LHFPL7: variants seen among roughly 807,000 people sequenced by gnomAD.
LHFPL7 encodes the protein LHFPL tetraspan subfamily member 7, also known as LHFPL tetraspan subfamily member 7 protein.
At chr22:24,941,134 G>A in the LHFPL7 span, among the ~76,000 whole-genome samples, 2 of 150,722 alleles carry the variant, frequency 1.3e-5, no homozygotes, top group African/African-American at 4.9e-5. Context: ...GTGTGGTGCT[G>A]TATGCGTGCA....
At chr22:24,935,431 T>C in the LHFPL7 span, 6 of 1,614,044 alleles carry the variant, frequency 3.7e-6, no homozygotes, top group Non-Finnish European at 5.1e-6. Flanking sequence ...CAGCTGATGA[T>C]GGGCAGGAGG....
the LHFPL7 span, among the ~76,000 whole-genome samples, chr22:24,937,136 G>A: frequency 7.2e-5 from 11 of 152,194 alleles, no homozygotes; most frequent in Non-Finnish European, 1.5e-4. Context: ...AGATATTTCA[G>A]GTAAGTATGT....
the LHFPL7 span, chr22:24,935,369 G>T: frequency 6.2e-7 from 1 of 1,613,764 alleles, no homozygotes; most frequent in Non-Finnish European, 8.5e-7. Flanking sequence ...TGATTCTCTC[G>T]GTGGCACTGG....
the LHFPL7 span, among the ~76,000 whole-genome samples, chr22:24,945,614 C>T: frequency 2.6e-5 from 4 of 152,122 alleles, no homozygotes; most frequent in Admixed American, 6.5e-5. Context: ...TGTGAGGTTG[C>T]GTAAGCAAAG....
the LHFPL7 span, chr22:24,939,671 C>A: frequency 1.6e-6 from 1 of 636,878 alleles, no homozygotes; most frequent in Non-Finnish European, 2.8e-6. Flanking sequence ...GATCATCAGC[C>A]CCCCTTGAGC....
the LHFPL7 span, among the ~76,000 whole-genome samples, chr22:24,940,797 C>A: frequency 2.2e-5 from 3 of 136,160 alleles, no homozygotes; most frequent in Admixed American, 1.6e-4. Context: ...CTCTTTCTTT[C>A]TTTCAGAGAA....
the LHFPL7 span, chr22:24,938,402 A>G: frequency 3.8e-6 from 6 of 1,567,830 alleles, no homozygotes; most frequent in Non-Finnish European, 5.2e-6. Context: ...GTTGGCTGGG[A>G]CAGGGGCAGG....
the LHFPL7 span, chr22:24,935,329 AT>A: frequency 1.2e-6 from 2 of 1,609,870 alleles, no homozygotes; most frequent in South Asian, 2.2e-5. Context: ...CTCCCAGGAG[AT>A]TTTTATTTGT....
At chr22:24,940,488 T>C in the LHFPL7 span, among the ~76,000 whole-genome samples, 177 of 150,172 alleles carry the variant, frequency 1.2e-3, no homozygotes, top group African/African-American at 3.7e-3. Context: ...CCCAGCTACT[T>C]GGGAGGCTGA....
At chr22:24,939,422 G>C in the LHFPL7 span, 23 of 702,986 alleles carry the variant, frequency 3.3e-5, no homozygotes, top group Middle Eastern at 2.3e-4. Context: ...AGGAGCAGTA[G>C]GTGAGGATGC....
At chr22:24,935,407 T>C in the LHFPL7 span, 14 of 1,613,978 alleles carry the variant, frequency 8.7e-6, no homozygotes, top group Middle Eastern at 1.6e-4. Flanking sequence ...CCTTGGACCT[T>C]GGTTGTGTGG....
At chr22:24,938,902 G>A in the LHFPL7 span, among the ~76,000 whole-genome samples, 76,534 of 152,006 alleles carry the variant, frequency 0.5, 19,839 homozygotes, top group East Asian at 0.74. Flanking sequence ...TCAGAGACAC[G>A]TTGGGGGCCA....
chr22:24,935,368 CGGT>C, the LHFPL7 span: 2 of 1,613,734 alleles, frequency 1.2e-6, no homozygotes, highest in South Asian at 2.2e-5. Context: ...ATGATTCTCT[CGGT>C]GGCACTGGAG....
At chr22:24,939,379 C>T in the LHFPL7 span, 4 of 702,974 alleles carry the variant, frequency 5.7e-6, no homozygotes, top group Non-Finnish European at 1.0e-5. Context: ...CTGAAGGTCA[C>T]GCAGCTCTGG....
At chr22:24,941,734 G>A in the LHFPL7 span, among the ~76,000 whole-genome samples, 1 of 151,260 alleles carries the variant, frequency 6.6e-6, no homozygotes, top group Non-Finnish European at 1.5e-5. Flanking sequence ...ACAGTGGCGC[G>A]ATCTCAGCTC....
At chr22:24,945,005 T>A in the LHFPL7 span, among the ~76,000 whole-genome samples, 1 of 152,120 alleles carries the variant, frequency 6.6e-6, no homozygotes, top group Non-Finnish European at 1.5e-5. Flanking sequence ...AGACGGGATT[T>A]CACCACGTTG....
chr22:24,940,191 G>T, the LHFPL7 span, among the ~76,000 whole-genome samples: 2 of 150,244 alleles, frequency 1.3e-5, no homozygotes, highest in African/African-American at 2.4e-5. Flanking sequence ...CTCCCAAAGT[G>T]CTGGGATTAC....
the LHFPL7 span, among the ~76,000 whole-genome samples, chr22:24,936,426 C>T: frequency 6.6e-6 from 1 of 152,224 alleles, no homozygotes; most frequent in Non-Finnish European, 1.5e-5. Flanking sequence ...ATTCATCCAA[C>T]AGTTCATTCA....
At chr22:24,938,217 G>T in the LHFPL7 span, 18,218 of 1,613,754 alleles carry the variant, frequency 0.011, 680 homozygotes, top group East Asian at 0.087. Flanking sequence ...GGGGGCCACA[G>T]CCCAAGACAG....
Sources: allele counts gnomAD v4.1 joint callset (sites outside exome capture counted in the v4.1 genomes callset), GRCh38; gene constraint gnomAD v4.1.1; transcripts MANE v1.5; gene names NCBI Gene and HGNC (gene_info 2026-07-23, HGNC 2026-07-21).